Variants in CRPPA observed in about 807,000 individuals in gnomAD.
The protein encoded by CRPPA is D-ribitol-5-phosphate cytidylyltransferase.
Under a neutral mutation model 52.0 loss-of-function variants are expected in CRPPA, and 43 were observed. The observed-to-expected ratio is 0.83, with a 90% CI of 0.65 to 1.07. The LOEUF (loss-of-function observed/expected upper bound fraction) is 1.07, where lower values mean the gene tolerates loss of function less well. CRPPA is among the 50% of genes least tolerant of loss of function. The probability of loss-of-function intolerance (pLI) is 0.00; values close to 1 mark genes in which losing one functional copy is unlikely to be tolerated. For missense variants in CRPPA, 629 were observed against 551.7 expected (o/e 1.14, Z -1.40); for synonymous variants, 250 against 203.5 (o/e 1.23, Z -1.94).
chr7:16,322,187 T>TAATTTTTA (rs1278804913), intron 3 of CRPPA, among the ~76,000 whole-genome samples: 4 of 152,034 alleles, frequency 2.6e-5, no homozygotes, highest in African/African-American at 7.3e-5. Flanking sequence ...CTAATATACG[T>TAATTTTTA]AATATTGGCT....
At chr7:16,126,186 C>T (rs1782577268) in intron 9 of CRPPA, among the ~76,000 whole-genome samples, 2 of 152,044 alleles carry the variant, frequency 1.3e-5, no homozygotes, top group Non-Finnish European at 2.9e-5. Flanking sequence ...AAGCTATATT[C>T]TTAGCAGTCA....
At chr7:16,390,078 T>C (rs1787404073) in intron 2 of CRPPA, among the ~76,000 whole-genome samples, 1 of 151,112 alleles carries the variant, frequency 6.6e-6, no homozygotes, top group South Asian at 2.1e-4. Context: ...CAGAAGTTAC[T>C]ACAAAAACTC....
At chr7:16,108,940 G>A (rs182022424) in intron 9 of CRPPA, among the ~76,000 whole-genome samples, 1 of 151,802 alleles carries the variant, frequency 6.6e-6, no homozygotes, top group East Asian at 1.9e-4. Context: ...CAGGCCTTAG[G>A]AGAAAGTTTG....
At chr7:16,347,614 A>G (rs1786047552) in intron 3 of CRPPA, among the ~76,000 whole-genome samples, 1 of 152,148 alleles carries the variant, frequency 6.6e-6, no homozygotes, top group Non-Finnish European at 1.5e-5. Context: ...GACCCAGTGA[A>G]TAGACATCTA....
chr7:16,271,064 A>C (rs1784079126), intron 6 of CRPPA, among the ~76,000 whole-genome samples: 1 of 152,096 alleles, frequency 6.6e-6, no homozygotes, highest in Admixed American at 6.5e-5. Context: ...CATGCTTTAC[A>C]CGTGATTTTC....
intron 9 of CRPPA, among the ~76,000 whole-genome samples, chr7:16,147,092 A>T (rs989223226): frequency 1.3e-5 from 2 of 152,142 alleles, no homozygotes; most frequent in African/African-American, 4.8e-5. Flanking sequence ...CCTCTGCACA[A>T]GCTCTCTTGC....
rs181967741 is a variant in CRPPA at position 16,314,273 on chromosome 7, A to G, written c.685-5646T>C. 1.6e-3 allele frequency among the ~76,000 whole-genome samples: 241 copies of G among 152,142 alleles called. 4 individuals carry two copies. The highest frequency in any genetic ancestry group is 2.4e-4 in the Non-Finnish European group (16 of 67,920). On this transcript the variant is annotated intron_variant, in intron 3 of 9. Transcript: ENST00000407010. The stretch of plus-strand genomic sequence containing the variant: ...GTAATGCCCCTTTAGTAAATGTCCT[A>G]GATTTTGCAATATACTTTTACAACT...
chr7:16,259,053 A>G (rs1783723911), intron 6 of CRPPA, 41 bp from the exon 7 acceptor site: 1 of 1,344,886 alleles, frequency 7.4e-7, no homozygotes, highest in Non-Finnish European at 1.1e-6. Context: ...AATTAGATAG[A>G]CCAAACATAA....
chr7:16,391,206 C>T (rs368424591), intron 2 of CRPPA, among the ~76,000 whole-genome samples: 11 of 152,110 alleles, frequency 7.2e-5, no homozygotes, highest in Non-Finnish European at 1.5e-4. Flanking sequence ...TTCCTACAGA[C>T]GGCCATCTAC....
chr7:16,164,481 T>C (rs765346904), intron 9 of CRPPA, among the ~76,000 whole-genome samples: 4 of 152,146 alleles, frequency 2.6e-5, no homozygotes, highest in Non-Finnish European at 5.9e-5. Context: ...GAGGAGTTTA[T>C]TACCCACCTT....
chr7:16,223,460 C>T (rs1251233859), intron 8 of CRPPA, among the ~76,000 whole-genome samples: 1 of 152,080 alleles, frequency 6.6e-6, no homozygotes, highest in Non-Finnish European at 1.5e-5. Flanking sequence ...ATTAGGTTAA[C>T]AAAATTCAAG....
chr7:16,353,319 T>C (rs10251007), intron 3 of CRPPA, among the ~76,000 whole-genome samples: 3,218 of 152,066 alleles, frequency 0.021, 103 homozygotes, highest in African/African-American at 0.072. Context: ...GCCACTGTAC[T>C]CCAGCCTGGG....
chr7:16,397,359 T>A (rs73682120), intron 2 of CRPPA, among the ~76,000 whole-genome samples: 4,360 of 152,294 alleles, frequency 0.029, 224 homozygotes, highest in African/African-American at 0.098. Context: ...TACAGGTGAC[T>A]GACGTGTGTA....
At chr7:16,373,455 AG>A (rs1171935962) in intron 3 of CRPPA, among the ~76,000 whole-genome samples, 1 of 152,222 alleles carries the variant, frequency 6.6e-6, no homozygotes, top group Non-Finnish European at 1.5e-5. Context: ...GTAATATACC[AG>A]GCAGATTGCT....
intron 9 of CRPPA, among the ~76,000 whole-genome samples, chr7:16,115,124 C>A (rs987934): frequency 1.3e-5 from 2 of 151,628 alleles, no homozygotes; most frequent in Admixed American, 1.3e-4. Flanking sequence ...TGAAATGAAC[C>A]AAAATGTACT....
At chr7:16,208,584 A>G (rs1436128251) in intron 9 of CRPPA, among the ~76,000 whole-genome samples, 1 of 152,186 alleles carries the variant, frequency 6.6e-6, no homozygotes, top group Admixed American at 6.5e-5. Flanking sequence ...AGAGCATGGC[A>G]GGCGGGGTGA....
chr7:16,305,790 G>A (rs901786062), intron 4 of CRPPA, among the ~76,000 whole-genome samples: 1 of 152,230 alleles, frequency 6.6e-6, no homozygotes, highest in Non-Finnish European at 1.5e-5. Context: ...ACTGAGGCGG[G>A]AGAATTGCTT....
At chr7:16,195,532 G>T (rs1781711449) in intron 9 of CRPPA, among the ~76,000 whole-genome samples, 1 of 152,026 alleles carries the variant, frequency 6.6e-6, no homozygotes. Flanking sequence ...CCCCCATTTA[G>T]AAGTCCTGGG....
intron 8 of CRPPA, among the ~76,000 whole-genome samples, chr7:16,238,370 C>A (rs1287258505): frequency 6.6e-6 from 1 of 151,988 alleles, no homozygotes; most frequent in Non-Finnish European, 1.5e-5. Flanking sequence ...CAAGTGCTAA[C>A]TGGATAGTAT....
Sources: allele counts gnomAD v4.1 joint callset (sites outside exome capture counted in the v4.1 genomes callset), GRCh38; gene constraint gnomAD v4.1.1; transcripts MANE v1.5; gene names NCBI Gene and HGNC (gene_info 2026-07-23, HGNC 2026-07-21).